POU6F2: variants seen among roughly 807,000 people sequenced by gnomAD.
POU6F2 encodes POU domain, class 6, transcription factor 2.
Under a neutral mutation model 71.3 loss-of-function variants are expected in POU6F2, and 31 were observed. That is an observed-to-expected ratio of 0.43 (90% CI 0.33 to 0.59). POU6F2 has a LOEUF of 0.59. Among genes scored for constraint, POU6F2 ranks in the 20% least tolerant of loss-of-function variants. POU6F2 has a pLI of 0.04. For synonymous variants in POU6F2, 347 were observed against 355.7 expected (o/e 0.98, Z 0.27); for missense variants, 783 against 856.8 (o/e 0.91, Z 1.07).
chr7:39,296,106 T>G (rs1001276741), intron 4 of POU6F2, among the ~76,000 whole-genome samples: 1 of 152,232 alleles, frequency 6.6e-6, no homozygotes, highest in Non-Finnish European at 1.5e-5. Context: ...ATTAAGCTTA[T>G]AGTATTCTAG....
At chr7:38,992,472 T>C (rs527305892) in intron 1 of POU6F2, among the ~76,000 whole-genome samples, 4 of 152,292 alleles carry the variant, frequency 2.6e-5, no homozygotes, top group African/African-American at 9.6e-5. Context: ...GTCATAATGT[T>C]GAATCTTAAA....
chr7:39,399,801 G>A (rs1787256088), intron 5 of POU6F2, among the ~76,000 whole-genome samples: 1 of 151,452 alleles, frequency 6.6e-6, no homozygotes, highest in Admixed American at 6.6e-5. Flanking sequence ...AGTGAATTAG[G>A]ATTGGACCAC....
intron 5 of POU6F2, among the ~76,000 whole-genome samples, chr7:39,398,389 A>G (rs1324072080): frequency 6.6e-6 from 1 of 151,300 alleles, no homozygotes; most frequent in Admixed American, 6.6e-5. Flanking sequence ...CATATATAAA[A>G]GTAAAAAAAA....
At chr7:39,054,832 C>A (rs1041677050) in intron 1 of POU6F2, among the ~76,000 whole-genome samples, 5 of 150,610 alleles carry the variant, frequency 3.3e-5, no homozygotes, top group African/African-American at 1.2e-4. Flanking sequence ...GTCTCACACA[C>A]TTATTCAATG....
At chr7:39,176,835 T>C (rs1350571429) in intron 2 of POU6F2, among the ~76,000 whole-genome samples, 1 of 152,126 alleles carries the variant, frequency 6.6e-6, no homozygotes, top group Admixed American at 6.5e-5. Flanking sequence ...GAGAAATAAA[T>C]CACAGTAGCC....
intron 8 of POU6F2, among the ~76,000 whole-genome samples, chr7:39,453,804 T>C (rs1451078520): frequency 6.6e-6 from 1 of 152,176 alleles, no homozygotes; most frequent in East Asian, 1.9e-4. Flanking sequence ...ATGAAATATA[T>C]AGACGTGGGA....
chr7:39,397,789 A>T (rs1787205704), intron 5 of POU6F2, among the ~76,000 whole-genome samples: 1 of 138,678 alleles, frequency 7.2e-6, no homozygotes, highest in Non-Finnish European at 1.5e-5. Flanking sequence ...AAGCATATAT[A>T]TAATATGTAT....
chr7:39,432,763 T>C (rs1185240754), intron 6 of POU6F2, among the ~76,000 whole-genome samples: 1 of 152,158 alleles, frequency 6.6e-6, no homozygotes, highest in African/African-American at 2.4e-5. Context: ...ATCCTCCCTC[T>C]GGTTCTGAGA....
At chr7:39,089,381 G>A (rs1482549976) in intron 2 of POU6F2, among the ~76,000 whole-genome samples, 1 of 152,164 alleles carries the variant, frequency 6.6e-6, no homozygotes, top group East Asian at 1.9e-4. Flanking sequence ...GTGGTTGGGG[G>A]TGGGGGATTA....
intron 6 of POU6F2, among the ~76,000 whole-genome samples, chr7:39,425,682 C>T (rs147831294): frequency 1.6e-4 from 24 of 152,316 alleles, no homozygotes; most frequent in Non-Finnish European, 2.9e-4. Flanking sequence ...ATTTAAAATG[C>T]TGTACCTCTG....
chr7:39,015,787 T>C lies in POU6F2; in HGVS notation c.105+37729T>C, dbSNP rs1188195212. Among the ~76,000 whole-genome samples the C allele has an allele frequency of 1.1e-4, 11 of 95,724 alleles. No individual in the cohort carries two copies. In the East Asian group the frequency reaches 2.8e-3, roughly 25 times the overall value. 62.8% of individuals were successfully genotyped at this position (95,724 alleles called of 152,430 possible). On this transcript the variant is annotated intron_variant, in intron 1 of 9. Transcript: ENST00000518318. ...TATATTATATATATTATATATGGTA[T>C]ATTATATATAGATATATATTATATA...
chr7:39,344,743 G>C (rs572566903), intron 5 of POU6F2, among the ~76,000 whole-genome samples: 2 of 152,096 alleles, frequency 1.3e-5, no homozygotes, highest in Non-Finnish European at 2.9e-5. Context: ...AAAAGGGAGG[G>C]GGTAAAATTA....
intron 2 of POU6F2, among the ~76,000 whole-genome samples, chr7:39,182,093 A>G (rs1793446525): frequency 6.6e-6 from 1 of 152,200 alleles, no homozygotes; most frequent in Non-Finnish European, 1.5e-5. Flanking sequence ...TTTTTACTTC[A>G]TCTTAAAGCA....
At chr7:39,221,884 T>C (rs1235433711) in intron 4 of POU6F2, among the ~76,000 whole-genome samples, 1 of 152,192 alleles carries the variant, frequency 6.6e-6, no homozygotes, top group African/African-American at 2.4e-5. Context: ...CTTTATGGTT[T>C]AAATATTTTA....
rs1412699836 is a variant in POU6F2, at chr7:39,127,001, AT to A, written c.277+40971del. ...ACTTTCTAGTAGCCACATTAAAAAA[AT>A]AACTAAAGACAAACAAGGAATTAAT... is the stretch of plus-strand genomic sequence containing the variant. On this transcript the variant is annotated intron_variant, in intron 2 of 9. Coordinates refer to ENST00000518318, the MANE Select transcript of POU6F2 (RefSeq NM_001370959.1). 7.9e-5 allele frequency among the ~76,000 whole-genome samples: 12 copies of A among 152,362 alleles called. No homozygotes were observed. The East Asian group carries it at 1.2e-3, about 15-fold the overall frequency.
chr7:39,007,339 T>C (rs946896745), intron 1 of POU6F2, among the ~76,000 whole-genome samples: 4 of 152,140 alleles, frequency 2.6e-5, no homozygotes, highest in African/African-American at 9.7e-5. Flanking sequence ...CTTAAAGTAT[T>C]TTGGGGGGAA....
chr7:39,394,038 T>A (rs1229287942), intron 5 of POU6F2, among the ~76,000 whole-genome samples: 10 of 152,234 alleles, frequency 6.6e-5, no homozygotes, highest in Non-Finnish European at 1.5e-4. Context: ...AATGCTCCAG[T>A]ACTTAGTCCC....
intron 4 of POU6F2, among the ~76,000 whole-genome samples, chr7:39,276,341 A>T (rs1163171644): frequency 6.6e-6 from 1 of 152,226 alleles, no homozygotes; most frequent in East Asian, 1.9e-4. Context: ...GCAAATCAAA[A>T]CCACAAAGAG....
Position 39,026,744 on chromosome 7 carries a change from G to C in POU6F2, c.105+48686G>C, listed in dbSNP as rs187441060. Among the ~76,000 whole-genome samples the C allele has an allele frequency of 1.7e-3, 258 of 152,154 alleles. 1 individual carries two copies. Among genetic ancestry groups the C allele is most frequent in the African/African-American group, 5.8e-3 (239 of 41,494 alleles). On this transcript the variant is annotated intron_variant, in intron 1 of 9. Transcript: ENST00000518318. The stretch of plus-strand genomic sequence containing the variant: ...GTGCACATGTACCCTAAAACTTAAA[G>C]TGTAATAATTTTTAAAAAAACCTTT...
Sources: gnomAD v4.1 joint callset for allele counts (sites outside exome capture counted in the v4.1 genomes callset) on GRCh38, gnomAD v4.1.1 for gene constraint, MANE v1.5 for transcripts, NCBI Gene and HGNC (gene_info 2026-07-23, HGNC 2026-07-21) for gene names.